ARL8B: variants seen among roughly 807,000 people sequenced by gnomAD.
ARL8B encodes ADP-ribosylation factor-like protein 8B.
In ARL8B, 9 loss-of-function variants were observed where a neutral mutation model predicts 30.6. The ratio of observed to expected loss-of-function variants is 0.29; its 90% CI spans 0.18 to 0.51. The LOEUF (loss-of-function observed/expected upper bound fraction) is 0.51, where lower values mean the gene tolerates loss of function less well. ARL8B is among the 20% of genes least tolerant of loss of function. The probability of loss-of-function intolerance (pLI) is 0.97; values close to 1 mark genes in which losing one functional copy is unlikely to be tolerated. For synonymous variants in ARL8B, 74 were observed against 76.0 expected, an observed-to-expected ratio of 0.97 and a Z score of 0.14; for missense variants, 130 against 227.2, an observed-to-expected ratio of 0.57 and a Z score of 2.75.
At chr3:5,144,737 C>G (rs2054403737) in intron 1 of ARL8B, among the ~76,000 whole-genome samples, 1 of 152,214 alleles carries the variant, frequency 6.6e-6, no homozygotes, top group Non-Finnish European at 1.5e-5. Flanking sequence ...AAGCTTGTTT[C>G]CTACAGCTTC....
At chr3:5,169,582 G>T (rs751951233) in intron 1 of ARL8B, among the ~76,000 whole-genome samples, 7 of 145,990 alleles carry the variant, frequency 4.8e-5, no homozygotes, top group Non-Finnish European at 8.9e-5. Context: ...CCTCTTAATA[G>T]TAGCCATCCT....
chr3:5,167,554 T>TC (rs985998361), intron 1 of ARL8B, among the ~76,000 whole-genome samples: 12 of 151,896 alleles, frequency 7.9e-5, no homozygotes, highest in Non-Finnish European at 1.6e-4. Flanking sequence ...TTCTACTCTT[T>TC]CCCCCCCAAG....
Position 5,178,840 on chromosome 3 carries a change from C to T in ARL8B, c.*127C>T. The T allele has an allele frequency of 6.8e-7, 1 of 1,470,958 alleles. No homozygotes were observed. The highest frequency in any genetic ancestry group is 9.1e-7 in the Non-Finnish European group (1 of 1,095,856). 91.1% of individuals were successfully genotyped at this position (1,470,958 alleles called of 1,614,324 possible). ...AAATTGCCTTTTTCAGAGTTTATTTCTCATGTGCACTGCTGAAGATGAATA... is the reference window on the plus strand; with the variant it reads ...AAATTGCCTTTTTCAGAGTTTATTTTTCATGTGCACTGCTGAAGATGAATA... On this transcript the variant is annotated 3_prime_UTR_variant, in exon 7 of 7. Transcript: ENST00000256496.
At chr3:5,165,777 A>G (rs1467999348) in intron 1 of ARL8B, among the ~76,000 whole-genome samples, 1 of 152,200 alleles carries the variant, frequency 6.6e-6, no homozygotes, top group Non-Finnish European at 1.5e-5. Context: ...AGCAAAGAGA[A>G]ACTTCATTTC....
chr3:5,174,064 G>A lies in ARL8B; in HGVS notation c.420G>A (p.Glu140=), dbSNP rs765012161. Residue 140 remains glutamate, a synonymous_variant, in exon 5 of 7, where the codon GAG becomes GAA. Transcript: ENST00000256496. The stretch of plus-strand genomic sequence containing the variant: ...GAGATCTTCCTAATGCCTTGGATGA[G>A]AAACAGCTAATTGAAAAAATGTATG... ...NKRDLPNALD[E]KQLIEKMNLS... is the part of the protein sequence containing the mutation. 6.2e-7 allele frequency: 1 copy of A among 1,611,988 alleles called. No homozygotes were observed. Among genetic ancestry groups the A allele is most frequent in the Non-Finnish European group, 8.5e-7 (1 of 1,178,612 alleles).
chr3:5,128,247 C>T (rs2054250240), intron 1 of ARL8B, among the ~76,000 whole-genome samples: 1 of 150,420 alleles, frequency 6.6e-6, no homozygotes, highest in South Asian at 2.1e-4. Context: ...GTAAGAATGG[C>T]AAAAACCATT....
At chr3:5,130,193 TA>T (rs375086861) in intron 1 of ARL8B, among the ~76,000 whole-genome samples, 2 of 99,224 alleles carry the variant, frequency 2.0e-5, no homozygotes, top group African/African-American at 5.0e-5. Flanking sequence ...AAAAAATATA[TA>T]TTTTTTTTTT....
At chr3:5,124,256 ATTTTTTT>A (rs35897178) in intron 1 of ARL8B, among the ~76,000 whole-genome samples, 112 of 105,684 alleles carry the variant, frequency 1.1e-3, no homozygotes, top group East Asian at 5.6e-3. Flanking sequence ...AATACCACTA[ATTTTTTT>A]TTTTTTTTTT....
intron 1 of ARL8B, among the ~76,000 whole-genome samples, chr3:5,137,879 T>C (rs1655580529): frequency 6.6e-6 from 1 of 152,224 alleles, no homozygotes; most frequent in East Asian, 1.9e-4. Context: ...CGAGCCACTG[T>C]GCCTAGCCTG....
At chr3:5,150,415 A>G (rs960905478) in intron 1 of ARL8B, among the ~76,000 whole-genome samples, 3 of 151,042 alleles carry the variant, frequency 2.0e-5, no homozygotes, top group Non-Finnish European at 4.4e-5. Flanking sequence ...GTGAGCCGAG[A>G]TCTTGCCACT....
chr3:5,163,671 A>G (rs1371555096), intron 1 of ARL8B, among the ~76,000 whole-genome samples: 2 of 152,112 alleles, frequency 1.3e-5, no homozygotes, highest in East Asian at 3.9e-4. Flanking sequence ...GGAGTTCAAG[A>G]CCAGCCTGGC....
At chr3:5,152,052 C>G (rs1454733745) in intron 1 of ARL8B, among the ~76,000 whole-genome samples, 1 of 152,100 alleles carries the variant, frequency 6.6e-6, no homozygotes, top group Non-Finnish European at 1.5e-5. Context: ...AGTGAATGTT[C>G]CCATGTGCAT....
intron 1 of ARL8B, among the ~76,000 whole-genome samples, chr3:5,136,822 C>T (rs1212276621): frequency 3.3e-5 from 5 of 152,004 alleles, no homozygotes; most frequent in East Asian, 1.9e-4. Flanking sequence ...TGTTTTTGTC[C>T]GCTGGTACTC....
intron 1 of ARL8B, among the ~76,000 whole-genome samples, chr3:5,146,064 C>A (rs2054416133): frequency 6.6e-6 from 1 of 152,172 alleles, no homozygotes; most frequent in South Asian, 2.1e-4. Context: ...GGAATTCCTC[C>A]AGGACTTTTT....
chr3:5,172,686 T>G lies in ARL8B; in HGVS notation c.318T>G (p.Ala106=). The part of the protein sequence containing the change: ...IDAADREKIE[A]SRNELHNLLD... The stretch of plus-strand genomic sequence containing the variant: ...CTGCAGATCGTGAAAAGATAGAAGC[T>G]TCCCGAAATGAGCTACATAATCTTC... Residue 106 remains alanine (A), a synonymous_variant, in exon 4 of 7, where the codon GCT becomes GCG. Coordinates refer to ENST00000256496, the MANE Select transcript of ARL8B (RefSeq NM_018184.3). 3.1e-6 allele frequency: 5 copies of G among 1,612,640 alleles called. No individual in the cohort carries two copies. Among genetic ancestry groups the G allele is most frequent in the Non-Finnish European group, 4.2e-6 (5 of 1,179,224 alleles).
intron 1 of ARL8B, among the ~76,000 whole-genome samples, chr3:5,129,584 A>G (rs2054263804): frequency 6.6e-6 from 1 of 152,188 alleles, no homozygotes; most frequent in African/African-American, 2.4e-5. Context: ...TCTGTTGCCC[A>G]TGCTGGAGTG....
At chr3:5,173,526 G>A (rs1351537152) in intron 4 of ARL8B, among the ~76,000 whole-genome samples, 1 of 152,134 alleles carries the variant, frequency 6.6e-6, no homozygotes, top group Non-Finnish European at 1.5e-5. Flanking sequence ...CACCAGGTCA[G>A]GAGATCGAGA....
At chr3:5,178,044 C>G (rs923871416) in intron 6 of ARL8B, among the ~76,000 whole-genome samples, 1 of 152,178 alleles carries the variant, frequency 6.6e-6, no homozygotes, top group Non-Finnish European at 1.5e-5. Flanking sequence ...TTCTGATAGA[C>G]TCTCATGTAC....
At chr3:5,133,422 G>A (rs2054300270) in intron 1 of ARL8B, among the ~76,000 whole-genome samples, 1 of 152,218 alleles carries the variant, frequency 6.6e-6, no homozygotes, top group Non-Finnish European at 1.5e-5. Flanking sequence ...AGACAGTTGG[G>A]GAGGAGGGGA....
Sources: gnomAD v4.1 joint callset for allele counts (sites outside exome capture counted in the v4.1 genomes callset) on GRCh38, gnomAD v4.1.1 for gene constraint, MANE v1.5 for transcripts, NCBI Gene and HGNC (gene_info 2026-07-23, HGNC 2026-07-21) for gene names.